GREM1: variants seen among roughly 807,000 people sequenced by gnomAD.
GREM1 encodes gremlin-1.
Under a neutral mutation model 13.1 loss-of-function variants are expected in GREM1, and 6 were observed. That is an observed-to-expected ratio of 0.46 (90% CI 0.25 to 0.91). The LOEUF is 0.91. GREM1 is among the 40% of genes least tolerant of loss of function. GREM1 has a pLI of 0.18. For missense variants in GREM1, 185 were observed against 233.9 expected (o/e 0.79, Z 1.36); for synonymous variants, 98 against 93.7 (o/e 1.05, Z -0.27).
chr15:32,727,055 T>C (rs966992445), intron 1 of GREM1, among the ~76,000 whole-genome samples: 1 of 152,138 alleles, frequency 6.6e-6, no homozygotes, highest in African/African-American at 2.4e-5. Flanking sequence ...CCAGACAGAT[T>C]CACAGCCGAA....
chr15:32,733,599 C>G lies in GREM1; in HGVS notation c.*2354C>G, dbSNP rs1313691111. 4 of 230,772 alleles carry G rather than the reference C, an allele frequency of 1.7e-5. No homozygotes were observed. Among genetic ancestry groups the G allele is most frequent in the Admixed American group, 5.8e-5 (1 of 17,160 alleles). 14.3% of individuals were successfully genotyped at this position (230,772 alleles called of 1,614,324 possible). On this transcript the variant is annotated 3_prime_UTR_variant, in exon 2 of 2. Coordinates refer to ENST00000651154, the MANE Select transcript of GREM1 (RefSeq NM_013372.7). ...TATCACTAGCCAAAGAGGGAAATATCTGTTCTTCTTACTGTGCCTATATTA... is the reference window on the plus strand; with the variant it reads ...TATCACTAGCCAAAGAGGGAAATATGTGTTCTTCTTACTGTGCCTATATTA...
chr15:32,724,178 T>C (rs2140675686), intron 1 of GREM1, among the ~76,000 whole-genome samples: 1 of 152,314 alleles, frequency 6.6e-6, no homozygotes, highest in Middle Eastern at 3.4e-3. Context: ...AAAAGTTGAG[T>C]ATAAAGAAAG....
At chr15:32,725,606 A>T (rs1488160213) in intron 1 of GREM1, among the ~76,000 whole-genome samples, 2 of 152,148 alleles carry the variant, frequency 1.3e-5, no homozygotes, top group Admixed American at 6.6e-5. Flanking sequence ...CTCTGATGGT[A>T]GTTTCTTTTG....
In GREM1 at chr15:32,730,732, C is replaced by T. The variant is rs773145682; in HGVS notation, c.42C>T (p.Leu14=). 6.3e-6 allele frequency: 10 copies of T among 1,593,158 alleles called. No homozygotes were observed. The highest frequency in any genetic ancestry group is 2.2e-5 in the East Asian group (1 of 44,848). ...ACACGGTGGGAGCCCTGCTTCTCCT[C>T]TTGGGGACCCTGCTGCCGGCTGCTG... is the stretch of plus-strand genomic sequence containing the variant. The part of the protein sequence containing the change: ...TAYTVGALLL[L]LGTLLPAAEG... Residue 14 remains leucine, a synonymous_variant, in exon 2 of 2, where the codon CTC becomes CTT. Coordinates refer to ENST00000651154, the MANE Select transcript of GREM1 (RefSeq NM_013372.7).
At position 32,744,151 on chromosome 15, in the gene GREM1, G is replaced by A. The variant is rs1410800705; in HGVS notation, c.*12906G>A. 6.6e-6 allele frequency: 1 copy of A among 151,992 alleles called. No individual in the cohort carries two copies. The highest frequency in any genetic ancestry group is 1.5e-5 in the Non-Finnish European group (1 of 68,004). 9.4% of individuals were successfully genotyped at this position (151,992 alleles called of 1,614,324 possible). A position where few individuals can be genotyped will look rare whatever the true frequency, so the allele number is the denominator to read the frequency against. On this transcript the variant is annotated 3_prime_UTR_variant, in exon 2 of 2. Transcript: ENST00000651154. ...ATGGAGAAGCACCCAAAAATCTGTG[G>A]CCTTTTTTTTTAATTACACTCTCAG...
rs1284323483 is a variant in GREM1 at position 32,732,782 on chromosome 15, G to C, written c.*1537G>C. The C allele has an allele frequency of 3.9e-5, 9 of 229,394 alleles. No individual in the cohort carries two copies. Among genetic ancestry groups the C allele is most frequent in the Non-Finnish European group, 7.5e-5 (8 of 106,366 alleles). The allele number at this position is 229,394 out of a possible 1,614,324, so 14.2% of individuals were successfully genotyped here. On this transcript the variant is annotated 3_prime_UTR_variant, in exon 2 of 2. Coordinates refer to ENST00000651154, the MANE Select transcript of GREM1 (RefSeq NM_013372.7). ...ACTTAGGATTGATCTAAGGGCCAAA[G>C]TGCAGGGTGGGTGAACTTTATTGTA...
rs200285291 is a variant in GREM1 at position 32,730,846 on chromosome 15, G to C, written c.156G>C (p.Gln52His). ...NDSEQTQSPQ[Q>H]PGSRNRGRGQ... The stretch of plus-strand genomic sequence containing the variant: ...CAGAGCAGACTCAGTCGCCCCAGCA[G>C]CCTGGCTCCAGGAACCGGGGGCGGG... The change falls in exon 2 of 2, where the codon CAG (glutamine) becomes CAC (histidine). Residue 52 changes from glutamine (Q) to histidine (H), a missense_variant. Transcript: ENST00000651154. 3.7e-5 allele frequency: 60 copies of C among 1,613,778 alleles called. No individual in the cohort carries two copies. In the Middle Eastern group the frequency reaches 8.3e-4, roughly 22 times the overall value.
intron 1 of GREM1, among the ~76,000 whole-genome samples, chr15:32,719,474 C>T (rs534713182): frequency 2.6e-5 from 4 of 152,192 alleles, no homozygotes; most frequent in Non-Finnish European, 5.9e-5. Context: ...GCCTTCCCCT[C>T]CTCGACCGAC....
chr15:32,730,742 C>T lies in GREM1; in HGVS notation c.52C>T (p.Leu18=). Residue 18 remains leucine (L), a synonymous_variant, in exon 2 of 2, where the codon CTG becomes TTG. Transcript: ENST00000651154. ...AGCCCTGCTTCTCCTCTTGGGGACCCTGCTGCCGGCTGCTGAAGGGAAAAA... is the reference window on the plus strand; with the variant it reads ...AGCCCTGCTTCTCCTCTTGGGGACCTTGCTGCCGGCTGCTGAAGGGAAAAA... ...VGALLLLLGT[L]LPAAEGKKKG... The T allele has an allele frequency of 6.2e-7, 1 of 1,600,716 alleles. No individual in the cohort carries two copies. The highest frequency in any genetic ancestry group is 8.5e-7 in the Non-Finnish European group (1 of 1,174,260).
rs1028728891 is a variant in GREM1 at position 32,738,407 on chromosome 15, G to C, written c.*7162G>C. On this transcript the variant is annotated 3_prime_UTR_variant, in exon 2 of 2. Transcript: ENST00000651154. ...ATACATAGAAAAAATGTAACAGGAA[G>C]TGCAAGACTGGTACATTGAAAACAA... 1.3e-5 allele frequency: 2 copies of C among 151,912 alleles called. No homozygotes were observed. Among genetic ancestry groups the C allele is most frequent in the African/African-American group, 2.4e-5 (1 of 41,356 alleles). The allele number at this position is 151,912 out of a possible 1,614,324, so 9.4% of individuals were successfully genotyped here. A position where few individuals can be genotyped will look rare whatever the true frequency, so the allele number is the denominator to read the frequency against.
At position 32,740,788 on chromosome 15, in the gene GREM1, GTCA is replaced by G. The variant is rs2055754357; in HGVS notation, c.*9546_*9548del. 6.6e-6 allele frequency: 1 copy of G among 152,146 alleles called. No homozygotes were observed. Among genetic ancestry groups the G allele is most frequent in the African/African-American group, 2.4e-5 (1 of 41,416 alleles). 9.4% of individuals were successfully genotyped at this position (152,146 alleles called of 1,614,324 possible). A position where few individuals can be genotyped will look rare whatever the true frequency, so the allele number is the denominator to read the frequency against. The stretch of plus-strand genomic sequence containing the variant: ...AAAGCCTACAGGCATATTATAAGTT[GTCA>G]TCCTAGAGAAAGAAAAATATCTTTC... On this transcript the variant is annotated 3_prime_UTR_variant, in exon 2 of 2. Coordinates refer to ENST00000651154, the MANE Select transcript of GREM1 (RefSeq NM_013372.7).
rs57106784 is a variant in GREM1, at chr15:32,736,614, A to T, written c.*5369A>T. ...GAGACTGGTTGAATTATTGATTCCA[A>T]GTGTTTGAGGAAATCCGTGTACAAC... On this transcript the variant is annotated 3_prime_UTR_variant, in exon 2 of 2. Transcript: ENST00000651154. 25,184 of 152,078 alleles carry T rather than the reference A, an allele frequency of 0.17. 2,855 individuals are homozygous for T. The highest frequency in any genetic ancestry group is 0.57 in the East Asian group (2,959 of 5,148). 9.4% of individuals were successfully genotyped at this position (152,078 alleles called of 1,614,324 possible).
At position 32,736,171 on chromosome 15, in the gene GREM1, G is replaced by C. The variant is rs866196963; in HGVS notation, c.*4926G>C. The stretch of plus-strand genomic sequence containing the variant: ...TTGACCTGTTTGGCAGGCCCTGGAA[G>C]CTCCACTTGCAAGGCTATATTTGAC... On this transcript the variant is annotated 3_prime_UTR_variant, in exon 2 of 2. Transcript: ENST00000651154. The C allele has an allele frequency of 2.6e-5, 4 of 152,170 alleles. No homozygotes were observed. The South Asian group carries it at 8.3e-4, about 31-fold the overall frequency. The allele number at this position is 152,170 out of a possible 1,614,324, so 9.4% of individuals were successfully genotyped here.
In GREM1 at chr15:32,731,304, TA is replaced by T. The variant is rs2055613488; in HGVS notation, c.*63del. The T allele has an allele frequency of 1.4e-5, 19 of 1,352,554 alleles. 1 individual carries two copies. In the South Asian group the frequency reaches 2.4e-4, roughly 17 times the overall value. The allele number at this position is 1,352,554 out of a possible 1,614,324, so 83.8% of individuals were successfully genotyped here. ...ATGCAGCCCCAGGAAGTCCCAGACC[TA>T]AAACAACCAGATTCTTACTTGGCTT... On this transcript the variant is annotated 3_prime_UTR_variant, in exon 2 of 2. Coordinates refer to ENST00000651154, the MANE Select transcript of GREM1 (RefSeq NM_013372.7).
intron 1 of GREM1, among the ~76,000 whole-genome samples, chr15:32,724,769 C>A (rs1176700334): frequency 6.6e-6 from 1 of 152,084 alleles, no homozygotes; most frequent in African/African-American, 2.4e-5. Context: ...GGTATTTCTC[C>A]TAATGCTACC....
At chr15:32,730,642 A>G in intron 1 of GREM1, 48 bp from the exon 2 acceptor site, 1 of 1,310,716 alleles carries the variant, frequency 7.6e-7, no homozygotes, top group Non-Finnish European at 1.1e-6. Flanking sequence ...TTTTAAATTA[A>G]CTTTGCCATG....
Position 32,727,985 on chromosome 15 carries a change from A to G in GREM1, c.-1-2705A>G, listed in dbSNP as rs563056939. The stretch of plus-strand genomic sequence containing the variant: ...AGACCACTGCTCAAGGTAATAAGAG[A>G]GGACACAAACAAATGGAAAAACATT... On this transcript the variant is annotated intron_variant, in intron 1 of 1. Transcript: ENST00000651154. Among the ~76,000 whole-genome samples, 13 of 152,362 alleles carry G rather than the reference A, an allele frequency of 8.5e-5. No homozygotes were observed. The East Asian group carries it at 2.5e-3, about 29-fold the overall frequency.
rs1327377654 is a variant in GREM1, at chr15:32,737,856, A to G, written c.*6611A>G. ...GGCAGGAGAATCGGTTGAACCCAGG[A>G]GGTGGAGGTTCTGGTGAGCCGAGAT... On this transcript the variant is annotated 3_prime_UTR_variant, in exon 2 of 2. Transcript: ENST00000651154. 5 of 139,752 alleles carry G rather than the reference A, an allele frequency of 3.6e-5. No homozygotes were observed. The highest frequency in any genetic ancestry group is 1.3e-4 in the African/African-American group (5 of 38,144). The allele number at this position is 139,752 out of a possible 1,614,324, so 8.7% of individuals were successfully genotyped here.
rs969388091 is a variant in GREM1 at position 32,736,762 on chromosome 15, G to A, written c.*5517G>A. Reference sequence around the variant, plus strand: ...AAACAACAACAAACCCTGGGGAAATGACAGTACGATCAAACCATGCATGGC... The same window carrying A: ...AAACAACAACAAACCCTGGGGAAATAACAGTACGATCAAACCATGCATGGC... On this transcript the variant is annotated 3_prime_UTR_variant, in exon 2 of 2. Coordinates refer to ENST00000651154, the MANE Select transcript of GREM1 (RefSeq NM_013372.7). The A allele has an allele frequency of 5.9e-5, 9 of 152,174 alleles. No individual in the cohort carries two copies. Among genetic ancestry groups the A allele is most frequent in the African/African-American group, 2.2e-4 (9 of 41,422 alleles). The allele number at this position is 152,174 out of a possible 1,614,324, so 9.4% of individuals were successfully genotyped here.
Sources: allele counts gnomAD v4.1 joint callset (sites outside exome capture counted in the v4.1 genomes callset), GRCh38; gene constraint gnomAD v4.1.1; transcripts MANE v1.5; gene names NCBI Gene and HGNC (gene_info 2026-07-23, HGNC 2026-07-21).